The following FHIT variants were observed in gnomAD, a reference collection of about 807,000 sequenced individuals.
FHIT encodes the protein bis(5'-adenosyl)-triphosphatase.
A neutral mutation model predicts 17.9 loss-of-function variants in FHIT; 19 were observed. The observed-to-expected ratio is 1.06, with a 90% confidence interval of 0.74 to 1.56. FHIT has a LOEUF of 1.56. Ranked by LOEUF, FHIT falls within the 40% of genes most tolerant of loss-of-function variation. The probability of loss-of-function intolerance (pLI) is 0.00; values close to 1 mark genes in which losing one functional copy is unlikely to be tolerated. For missense variants in FHIT, 248 were observed against 189.2 expected (o/e 1.31, Z -1.82); for synonymous variants, 81 against 69.7 (o/e 1.16, Z -0.81).
intron 8 of FHIT, among the ~76,000 whole-genome samples, chr3:59,905,724 A>T (rs915421441): frequency 3.9e-5 from 6 of 152,208 alleles, no homozygotes; most frequent in African/African-American, 1.4e-4. Flanking sequence ...AAATCCAGAA[A>T]AGCCTATAAA....
chr3:60,017,627 G>A (rs1225841129), intron 5 of FHIT, among the ~76,000 whole-genome samples: 2 of 152,178 alleles, frequency 1.3e-5, no homozygotes, highest in African/African-American at 2.4e-5. Context: ...CAGAAACTTG[G>A]CAATCCTTTC....
chr3:60,654,950 G>C (rs781999940), intron 4 of FHIT, among the ~76,000 whole-genome samples: 4 of 152,128 alleles, frequency 2.6e-5, no homozygotes, highest in Non-Finnish European at 5.9e-5. Context: ...ATCTCATCCT[G>C]TGATGTGTGG....
At chr3:60,689,908 T>C (rs9814237) in intron 4 of FHIT, among the ~76,000 whole-genome samples, 14,583 of 152,232 alleles carry the variant, frequency 0.096, 1,408 homozygotes, top group African/African-American at 0.25. Context: ...TTGCATTCAG[T>C]ATTATAATTA....
At chr3:61,058,272 A>G (rs2034296979) in intron 2 of FHIT, among the ~76,000 whole-genome samples, 1 of 152,192 alleles carries the variant, frequency 6.6e-6, no homozygotes, top group Non-Finnish European at 1.5e-5. Context: ...GCCCTGGATG[A>G]TGTCTCCACA....
At chr3:60,484,329 A>G (rs954028312) in intron 5 of FHIT, among the ~76,000 whole-genome samples, 5 of 152,224 alleles carry the variant, frequency 3.3e-5, no homozygotes, top group Non-Finnish European at 7.3e-5. Flanking sequence ...TTTAAATTTC[A>G]TATGGAATCT....
intron 8 of FHIT, among the ~76,000 whole-genome samples, chr3:59,843,477 G>A (rs1032013615): frequency 1.3e-5 from 2 of 151,998 alleles, no homozygotes; most frequent in African/African-American, 4.8e-5. Flanking sequence ...ATTGTCACAG[G>A]GATTGTGTTA....
At chr3:60,011,944 T>G (rs193151418) in intron 6 of FHIT, among the ~76,000 whole-genome samples, 1 of 152,156 alleles carries the variant, frequency 6.6e-6, no homozygotes, top group Non-Finnish European at 1.5e-5. Flanking sequence ...TGAAGCTTAG[T>G]TGGAAATGGG....
intron 8 of FHIT, among the ~76,000 whole-genome samples, chr3:59,769,829 T>C (rs894875727): frequency 1.3e-5 from 2 of 152,086 alleles, no homozygotes; most frequent in Non-Finnish European, 2.9e-5. Flanking sequence ...GGACAGCTTC[T>C]CAAATGATTT....
intron 5 of FHIT, among the ~76,000 whole-genome samples, chr3:60,216,896 C>T (rs926694324): frequency 7.9e-5 from 12 of 152,250 alleles, no homozygotes; most frequent in African/African-American, 2.9e-4. Context: ...GTCTTCCCTT[C>T]CTGGCAGAAA....
intron 5 of FHIT, among the ~76,000 whole-genome samples, chr3:60,187,381 C>T (rs771427257): frequency 2.0e-5 from 3 of 152,118 alleles, no homozygotes; most frequent in African/African-American, 4.8e-5. Context: ...CTCTGAGGAC[C>T]GAAGTATAAA....
intron 3 of FHIT, among the ~76,000 whole-genome samples, chr3:60,871,522 T>A (rs1162379470): frequency 6.6e-6 from 1 of 152,180 alleles, no homozygotes; most frequent in African/African-American, 2.4e-5. Context: ...AGGTATATAA[T>A]GATACTTTCC....
At chr3:60,129,001 T>G (rs1699390234) in intron 5 of FHIT, among the ~76,000 whole-genome samples, 1 of 151,970 alleles carries the variant, frequency 6.6e-6, no homozygotes, top group African/African-American at 2.4e-5. Context: ...ACACCTTTCC[T>G]TCCTGGTTAC....
intron 3 of FHIT, among the ~76,000 whole-genome samples, chr3:61,033,649 T>G (rs1302818291): frequency 6.6e-6 from 1 of 152,180 alleles, no homozygotes; most frequent in Non-Finnish European, 1.5e-5. Flanking sequence ...AAGACTCCAG[T>G]ATGTATACAG....
At chr3:60,787,277 C>G (rs965777849) in intron 4 of FHIT, among the ~76,000 whole-genome samples, 6 of 152,188 alleles carry the variant, frequency 3.9e-5, no homozygotes, top group Admixed American at 6.5e-5. Context: ...CATAAAATCC[C>G]TGCTCCAGCT....
chr3:60,291,440 T>C (rs531868951), intron 5 of FHIT, among the ~76,000 whole-genome samples: 24 of 151,996 alleles, frequency 1.6e-4, no homozygotes, highest in Middle Eastern at 3.4e-3. Flanking sequence ...GTTTCTTTAC[T>C]GTACATATGG....
chr3:60,559,749 G>T (rs1429480733), intron 4 of FHIT, among the ~76,000 whole-genome samples: 1 of 151,712 alleles, frequency 6.6e-6, no homozygotes, highest in Non-Finnish European at 1.5e-5. Flanking sequence ...ATGAGAAAAA[G>T]CATGTCCCTC....
At chr3:60,155,851 C>T (rs1280874414) in intron 5 of FHIT, among the ~76,000 whole-genome samples, 1 of 152,132 alleles carries the variant, frequency 6.6e-6, no homozygotes, top group Admixed American at 6.5e-5. Context: ...CAACCGTCAC[C>T]CAAGTAAAGT....
chr3:60,592,353 C>CT (rs1553664676), intron 4 of FHIT, among the ~76,000 whole-genome samples: 1 of 151,384 alleles, frequency 6.6e-6, no homozygotes, highest in African/African-American at 2.4e-5. Flanking sequence ...AAATATGTAT[C>CT]TAGTCTATTT....
chr3:60,158,724 G>A lies in FHIT; in HGVS notation c.104-144572C>T, dbSNP rs185417612. On this transcript the variant is annotated intron_variant, in intron 5 of 9. Transcript: ENST00000492590. ...GACTGCTACTTCATTATGAAAAACA[G>A]GTTTAGCCTCACTTTAGACTGTCTT... Among the ~76,000 whole-genome samples the A allele has an allele frequency of 1.5e-4, 23 of 152,280 alleles. 1 individual carries two copies. The East Asian group carries it at 4.1e-3, about 27-fold the overall frequency.
Sources: gnomAD v4.1 joint callset for allele counts (sites outside exome capture counted in the v4.1 genomes callset) on GRCh38, gnomAD v4.1.1 for gene constraint, MANE v1.5 for transcripts, NCBI Gene and HGNC (gene_info 2026-07-23, HGNC 2026-07-21) for gene names.